The following NPSR1 variants were observed in gnomAD, a reference collection of about 807,000 sequenced individuals.
NPSR1 encodes neuropeptide S receptor.
A neutral mutation model predicts 46.9 loss-of-function variants in NPSR1; 48 were observed. The ratio of observed to expected loss-of-function variants is 1.02; its 90% CI spans 0.81 to 1.30. NPSR1 has a LOEUF of 1.30. NPSR1 is among the 50% of genes most tolerant of loss of function. NPSR1 has a pLI of 0.00. For synonymous variants in NPSR1, 176 were observed against 168.1 expected (o/e 1.05, Z -0.36); for missense variants, 450 against 449.5 (o/e 1.00, Z -0.01).
At chr7:34,778,848 T>G (rs35238920) in intron 3 of NPSR1, among the ~76,000 whole-genome samples, 5,545 of 152,244 alleles carry the variant, frequency 0.036, 330 homozygotes, top group African/African-American at 0.13. Flanking sequence ...ATTAAGGATT[T>G]TGGCATATTG....
At chr7:34,869,161 T>G (rs1188179603) in intron 8 of NPSR1, among the ~76,000 whole-genome samples, 1 of 151,782 alleles carries the variant, frequency 6.6e-6, no homozygotes. Context: ...TGCCACAGTA[T>G]GGTAGCAGTC....
intron 2 of NPSR1, among the ~76,000 whole-genome samples, chr7:34,754,629 T>A (rs1457263011): frequency 6.6e-6 from 1 of 152,156 alleles, no homozygotes; most frequent in Non-Finnish European, 1.5e-5. Flanking sequence ...ATGAACAGCT[T>A]TATTAAAATA....
chr7:34,842,901 C>T (rs547262341), intron 6 of NPSR1, among the ~76,000 whole-genome samples: 28 of 152,358 alleles, frequency 1.8e-4, no homozygotes, highest in South Asian at 4.1e-4. Context: ...CCACTCTCCA[C>T]GCATTTGTAG....
At chr7:34,791,171 A>ATGTTATATATGTT (rs1787845577) in intron 3 of NPSR1, among the ~76,000 whole-genome samples, 1 of 118,730 alleles carries the variant, frequency 8.4e-6, no homozygotes, top group Non-Finnish European at 1.7e-5. Context: ...TATATGTTAT[A>ATGTTATATATGTT]TATTATATTA....
intron 1 of NPSR1, among the ~76,000 whole-genome samples, chr7:34,679,627 A>G (rs1378784138): frequency 1.7e-4 from 26 of 152,110 alleles, no homozygotes; most frequent in Admixed American, 1.7e-3. Context: ...TGGGCCTGCT[A>G]GTTCGTTTCA....
intron 6 of NPSR1, 100 bp from the exon 7 acceptor site, chr7:34,844,796 A>G: frequency 1.2e-6 from 1 of 807,286 alleles, no homozygotes; most frequent in Non-Finnish European, 2.2e-6. Flanking sequence ...ACAGGATATA[A>G]GTGAAAACTG....
rs551063121 is a variant in NPSR1 at position 34,764,259 on chromosome 7, TG to T, written c.281-14202del. Among the ~76,000 whole-genome samples the T allele has an allele frequency of 5.9e-3, 893 of 152,358 alleles. 9 individuals are homozygous for T. The highest frequency in any genetic ancestry group is 8.8e-3 in the Non-Finnish European group (602 of 68,036). On this transcript the variant is annotated intron_variant, in intron 2 of 8. Coordinates refer to ENST00000360581, the MANE Select transcript of NPSR1 (RefSeq NM_207172.2). ...TCAGTTAAACAGCTGCTATTATTAA[TG>T]TGCTGGTTGAAAGTGTTTTTCTTAA...
chr7:34,746,471 T>C (rs1785208313), intron 2 of NPSR1, among the ~76,000 whole-genome samples: 1 of 152,180 alleles, frequency 6.6e-6, no homozygotes, highest in South Asian at 2.1e-4. Context: ...TATGTATGTA[T>C]AAAAGAAAAC....
At position 34,809,144 on chromosome 7, in the gene NPSR1, T is replaced by C. The variant is rs148574037; in HGVS notation, c.385-2626T>C. ...TGCTTTCTTTTTCATCCTTCTCTGA[T>C]GCCACCTCCTCCTCTGTTTGTTGCC... On this transcript the variant is annotated intron_variant, in intron 3 of 8. Coordinates refer to ENST00000360581, the MANE Select transcript of NPSR1 (RefSeq NM_207172.2). Among the ~76,000 whole-genome samples, 3 of 152,296 alleles carry C rather than the reference T, an allele frequency of 2.0e-5. No individual in the cohort carries two copies. In the East Asian group the frequency reaches 5.8e-4, roughly 29 times the overall value.
intron 4 of NPSR1, among the ~76,000 whole-genome samples, chr7:34,812,634 G>A (rs1789043826): frequency 6.6e-6 from 1 of 152,100 alleles, no homozygotes; most frequent in South Asian, 2.1e-4. Context: ...CTAGAGGAAG[G>A]GTGAGTACAT....
At chr7:34,725,099 TCACACACA>T (rs56880784) in intron 2 of NPSR1, among the ~76,000 whole-genome samples, 3 of 146,614 alleles carry the variant, frequency 2.0e-5, no homozygotes, top group East Asian at 2.1e-4. Flanking sequence ...ACACACAGAC[TCACACACA>T]CACACACACA....
rs530926949 is a variant in NPSR1 at position 34,814,285 on chromosome 7, A to C, written c.478+2422A>C. On this transcript the variant is annotated intron_variant, in intron 4 of 8. Coordinates refer to ENST00000360581, the MANE Select transcript of NPSR1 (RefSeq NM_207172.2). ...GCTCAGGAGGTCTGGAGCCTTGCTCACTGCTAGCACAGCAGTCTGAAATTG... is the reference window on the plus strand; with the variant it reads ...GCTCAGGAGGTCTGGAGCCTTGCTCCCTGCTAGCACAGCAGTCTGAAATTG... 5.3e-5 allele frequency among the ~76,000 whole-genome samples: 8 copies of C among 152,372 alleles called. No individual in the cohort carries two copies. The South Asian group carries it at 1.0e-3, about 20-fold the overall frequency.
chr7:34,737,136 A>G (rs1020879081), intron 2 of NPSR1, among the ~76,000 whole-genome samples: 4 of 152,022 alleles, frequency 2.6e-5, no homozygotes, highest in Non-Finnish European at 4.4e-5. Flanking sequence ...TTTGCTGCCA[A>G]TATCAGCATT....
chr7:34,741,489 A>G (rs538161845), intron 2 of NPSR1, among the ~76,000 whole-genome samples: 12 of 152,234 alleles, frequency 7.9e-5, no homozygotes, highest in African/African-American at 2.9e-4. Flanking sequence ...GACTGTTATC[A>G]CCTGCTCCAA....
chr7:34,717,984 G>A (rs1421310249), intron 2 of NPSR1, among the ~76,000 whole-genome samples: 2 of 152,098 alleles, frequency 1.3e-5, no homozygotes, highest in Admixed American at 1.3e-4. Flanking sequence ...ACAATAGATG[G>A]GCAAATCCAA....
At chr7:34,660,086 C>T (rs907732371) in intron 1 of NPSR1, 11 of 456,326 alleles carry the variant, frequency 2.4e-5, no homozygotes, top group African/African-American at 2.0e-4. Flanking sequence ...ACAAATCCCA[C>T]CTTGCTCTCT....
intron 8 of NPSR1, among the ~76,000 whole-genome samples, chr7:34,873,595 C>T (rs1177587614): frequency 2.1e-4 from 32 of 151,664 alleles, no homozygotes; most frequent in Middle Eastern, 6.8e-3. Context: ...GTGGAGGTAT[C>T]ACACTCTTTT....
At chr7:34,792,410 A>AC (rs1250482732) in intron 3 of NPSR1, among the ~76,000 whole-genome samples, 2 of 146,922 alleles carry the variant, frequency 1.4e-5, no homozygotes, top group Non-Finnish European at 3.0e-5. Flanking sequence ...ATATAGTCCT[A>AC]GTACTTTGGG....
At chr7:34,773,175 A>G (rs1471252344) in intron 2 of NPSR1, among the ~76,000 whole-genome samples, 1 of 152,116 alleles carries the variant, frequency 6.6e-6, no homozygotes, top group Admixed American at 6.6e-5. Flanking sequence ...GGGACCCAAC[A>G]CCATGAAGTG....
Sources: gnomAD v4.1 joint callset for allele counts (sites outside exome capture counted in the v4.1 genomes callset) on GRCh38, gnomAD v4.1.1 for gene constraint, MANE v1.5 for transcripts, NCBI Gene and HGNC (gene_info 2026-07-23, HGNC 2026-07-21) for gene names.